The following TMPRSS9 variants were observed in gnomAD, a reference collection of about 807,000 sequenced individuals.
The protein encoded by TMPRSS9 is transmembrane serine protease 9.
In TMPRSS9, 113 loss-of-function variants were observed where a neutral mutation model predicts 111.4. The ratio of observed to expected loss-of-function variants is 1.01; its 90% CI spans 0.87 to 1.19. TMPRSS9 has a LOEUF of 1.19. Among genes scored for constraint, TMPRSS9 ranks in the 50% most tolerant of loss-of-function variants. The pLI, the probability that TMPRSS9 is intolerant of heterozygous loss-of-function variation, is 0.00. For missense variants in TMPRSS9, 1,803 were observed against 1,513.1 expected (o/e 1.19, Z -3.18); for synonymous variants, 805 against 659.1 (o/e 1.22, Z -3.39).
chr19:2,415,065 C>T (rs1209399623), intron 10 of TMPRSS9, among the ~76,000 whole-genome samples: 1 of 151,266 alleles, frequency 6.6e-6, no homozygotes, highest in East Asian at 2.0e-4. Flanking sequence ...CTGCCTCAGC[C>T]TCCTGAATAG....
chr19:2,380,278 T>C (rs541712951), intron 1 of TMPRSS9, among the ~76,000 whole-genome samples: 12 of 146,548 alleles, frequency 8.2e-5, no homozygotes, highest in Admixed American at 5.3e-4. Flanking sequence ...AGTGAAACCC[T>C]GTCTTAAAAA....
At chr19:2,416,559 G>C in exon 12 of TMPRSS9, 6 of 1,609,992 alleles carry the variant, frequency 3.7e-6, no homozygotes, top group Non-Finnish European at 5.1e-6. Context: ...AGCAGGTTCG[G>C]GCCCACCTGG....
At chr19:2,408,675 G>A (rs769000152) in intron 8 of TMPRSS9, 45 bp downstream of exon 9, 74 of 1,580,624 alleles carry the variant, frequency 4.7e-5, no homozygotes, top group Non-Finnish European at 5.7e-5. Context: ...GCAGGCAGGC[G>A]GGCAAATAAC....
At chr19:2,400,969 C>G (rs972525731) in intron 4 of TMPRSS9, among the ~76,000 whole-genome samples, 2 of 121,260 alleles carry the variant, frequency 1.6e-5, no homozygotes, top group Non-Finnish European at 3.2e-5. Flanking sequence ...GAGTGAGACT[C>G]TGTCTTAAAA....
intron 10 of TMPRSS9, among the ~76,000 whole-genome samples, chr19:2,415,164 C>T (rs940843910): frequency 2.0e-5 from 3 of 151,904 alleles, no homozygotes; most frequent in South Asian, 2.1e-4. Context: ...AGGCTGGTCT[C>T]GAACTCCTGA....
intron 1 of TMPRSS9, among the ~76,000 whole-genome samples, chr19:2,371,354 A>G (rs933454838): frequency 6.6e-6 from 1 of 152,132 alleles, no homozygotes; most frequent in Non-Finnish European, 1.5e-5. Context: ...TGAAGACGGA[A>G]GTCGGTAGGT....
At chr19:2,372,084 T>G (rs1404749558) in intron 1 of TMPRSS9, among the ~76,000 whole-genome samples, 3 of 152,144 alleles carry the variant, frequency 2.0e-5, no homozygotes, top group African/African-American at 2.4e-5. Context: ...CTCAAACTCT[T>G]GACCTCAAGT....
exon 17 of TMPRSS9, chr19:2,425,482 G>T: frequency 5.0e-6 from 8 of 1,587,000 alleles, no homozygotes; most frequent in Non-Finnish European, 6.8e-6. Flanking sequence ...GGGTGGCGTG[G>T]ACAGCTGCTC....
chr19:2,388,743 C>T (rs1354766394), upstream of TMPRSS9, among the ~76,000 whole-genome samples: 1 of 152,112 alleles, frequency 6.6e-6, no homozygotes, highest in Admixed American at 6.6e-5. Context: ...GCCTCAGCCT[C>T]CTGAGTGGCT....
At chr19:2,402,418 G>A (rs1970869823) in intron 5 of TMPRSS9, among the ~76,000 whole-genome samples, 1 of 151,966 alleles carries the variant, frequency 6.6e-6, no homozygotes, top group Non-Finnish European at 1.5e-5. Flanking sequence ...CTCCAGCCTG[G>A]GTGACAGAGT....
In TMPRSS9 at chr19:2,370,276, C is replaced by G. The variant is rs374700072; in HGVS notation, c.-26+9916C>G. 6.6e-5 allele frequency among the ~76,000 whole-genome samples: 10 copies of G among 151,928 alleles called. No individual in the cohort carries two copies. The East Asian group carries it at 1.9e-3, about 29-fold the overall frequency. On this transcript the variant is annotated intron_variant, in intron 1 of 17. Coordinates refer to the TMPRSS9 transcript ENST00000649857. ...CTACTAAAAATAACAAAAAAATTAG[C>G]CAGGCACAGTGGCGGGAGCCTGTAG...
At chr19:2,384,169 A>C (rs972640021) in intron 1 of TMPRSS9, among the ~76,000 whole-genome samples, 4 of 152,132 alleles carry the variant, frequency 2.6e-5, no homozygotes, top group African/African-American at 4.8e-5. Flanking sequence ...TAATGGGGAA[A>C]AGTGTGTTGG....
At chr19:2,394,534 A>G (rs1970667589) in intron 1 of TMPRSS9, among the ~76,000 whole-genome samples, 1 of 152,154 alleles carries the variant, frequency 6.6e-6, no homozygotes, top group South Asian at 2.1e-4. Context: ...TTTAGAGTAG[A>G]AACAGAGTGA....
At chr19:2,393,540 G>A (rs1330126217) in intron 1 of TMPRSS9, among the ~76,000 whole-genome samples, 1 of 152,162 alleles carries the variant, frequency 6.6e-6, no homozygotes, top group Non-Finnish European at 1.5e-5. Context: ...AAGTCAGTGA[G>A]ACCAAGAACC....
At chr19:2,424,427 T>G (rs1481981605) in intron 15 of TMPRSS9, among the ~76,000 whole-genome samples, 170 bp downstream of exon 16, 1 of 93,046 alleles carries the variant, frequency 1.1e-5, no homozygotes, top group African/African-American at 4.3e-5. Context: ...CCATCCTCGC[T>G]CCCTGCAGCC....
chr19:2,415,355 T>C (rs1254714517), intron 10 of TMPRSS9, among the ~76,000 whole-genome samples: 1 of 152,134 alleles, frequency 6.6e-6, no homozygotes, highest in Non-Finnish European at 1.5e-5. Flanking sequence ...CAGCCCCGTC[T>C]TTGCAAGGAG....
At chr19:2,374,578 A>G (rs1397513988) in intron 1 of TMPRSS9, among the ~76,000 whole-genome samples, 1 of 152,024 alleles carries the variant, frequency 6.6e-6, no homozygotes, top group Non-Finnish European at 1.5e-5. Context: ...GTCTCAAAAA[A>G]AGAAAAAAAA....
chr19:2,366,931 T>C (rs1382584933), intron 1 of TMPRSS9, among the ~76,000 whole-genome samples: 1 of 151,692 alleles, frequency 6.6e-6, no homozygotes, highest in East Asian at 1.9e-4. Flanking sequence ...GAAGAGCCAC[T>C]TCAAAGCTGG....
intron 1 of TMPRSS9, among the ~76,000 whole-genome samples, chr19:2,393,828 G>T (rs1481877580): frequency 6.8e-6 from 1 of 146,326 alleles, no homozygotes; most frequent in Admixed American, 7.1e-5. Context: ...AACCCGGGAA[G>T]TGGAGGTTGC....
Sources: gnomAD v4.1 joint callset for allele counts (sites outside exome capture counted in the v4.1 genomes callset) on GRCh38, gnomAD v4.1.1 for gene constraint, MANE v1.5 for transcripts, NCBI Gene and HGNC (gene_info 2026-07-23, HGNC 2026-07-21) for gene names.